Variants in UGGT2 observed in about 807,000 individuals in gnomAD.
The protein encoded by UGGT2 is UDP-glucose glycoprotein glucosyltransferase 2, also known as UDP-glucose:glycoprotein glucosyltransferase 2.
UGGT2 carries 180 observed loss-of-function variants against 192.1 expected under a neutral mutation model. The observed-to-expected ratio is 0.94, with a 90% confidence interval of 0.83 to 1.06. The LOEUF is 1.06. Ranked by LOEUF, UGGT2 falls within the 50% of genes least tolerant of loss-of-function variation. UGGT2 has a pLI of 0.00. For synonymous variants in UGGT2, 580 were observed against 591.0 expected (o/e 0.98, Z 0.27); for missense variants, 1,849 against 1,795.7 (o/e 1.03, Z -0.54).
At chr13:95,962,745 A>T (rs187125056) in intron 12 of UGGT2, among the ~76,000 whole-genome samples, 28 of 152,296 alleles carry the variant, frequency 1.8e-4, no homozygotes, top group Admixed American at 1.7e-3. Flanking sequence ...ACAACAATAA[A>T]GGAAAACCAC....
chr13:95,972,225 T>C (rs2050795341), intron 11 of UGGT2, among the ~76,000 whole-genome samples: 1 of 152,088 alleles, frequency 6.6e-6, no homozygotes, highest in African/African-American at 2.4e-5. Flanking sequence ...TTCTGTCTTC[T>C]GGGGAAATAC....
intron 1 of UGGT2, among the ~76,000 whole-genome samples, chr13:96,041,364 G>A (rs1323229096): frequency 1.3e-5 from 2 of 152,144 alleles, no homozygotes; most frequent in African/African-American, 4.8e-5. Flanking sequence ...GGTCCCCTAG[G>A]AAGCTATTTC....
chr13:95,932,563 T>C (rs762390673), intron 17 of UGGT2, among the ~76,000 whole-genome samples: 96 of 152,146 alleles, frequency 6.3e-4, no homozygotes, highest in Non-Finnish European at 7.9e-4. Flanking sequence ...TGGACTTCTT[T>C]TACTATTTGG....
intron 38 of UGGT2, among the ~76,000 whole-genome samples, chr13:95,826,775 T>A (rs1379506321): frequency 6.6e-6 from 1 of 151,134 alleles, no homozygotes; most frequent in African/African-American, 2.4e-5. Flanking sequence ...AACTAATTAA[T>A]GTAATCCTTT....
chr13:95,812,906 T>G (rs1285606005), intron 38 of UGGT2, among the ~76,000 whole-genome samples: 2 of 152,142 alleles, frequency 1.3e-5, no homozygotes, highest in Non-Finnish European at 2.9e-5. Context: ...GATGCACAAC[T>G]CCGTGAATAC....
In UGGT2 at chr13:96,013,479, G is replaced by C. The variant is rs2052231216; in HGVS notation, c.488C>G (p.Thr163Ser). 6.6e-7 allele frequency: 1 copy of C among 1,513,790 alleles called. No individual in the cohort carries two copies. The allele number at this position is 1,513,790 out of a possible 1,614,324, so 93.8% of individuals were successfully genotyped here. The change falls in exon 5 of 39, where the codon ACT becomes AGT. Residue 163 changes from threonine to serine, a missense_variant and splice_region_variant. Coordinates refer to ENST00000376747, the MANE Select transcript of UGGT2 (RefSeq NM_020121.4). ...ATCTCCTTTAAATAGATAAGGTCTA[G>C]TCCTAAGATAAAAGCAAAACACAAA... ...KKLLKKAASRTRPYLFKGDHK... is the reference protein window; with the variant it reads ...KKLLKKAASRSRPYLFKGDHK...
At chr13:96,000,656 C>T (rs1427099420) in intron 5 of UGGT2, among the ~76,000 whole-genome samples, 4 of 152,146 alleles carry the variant, frequency 2.6e-5, no homozygotes, top group Non-Finnish European at 4.4e-5. Flanking sequence ...GGCCGTATAT[C>T]TTGTTATAGT....
intron 37 of UGGT2, among the ~76,000 whole-genome samples, chr13:95,834,350 G>A (rs1001194896): frequency 6.6e-6 from 1 of 151,972 alleles, no homozygotes; most frequent in African/African-American, 2.4e-5. Context: ...TGGCCGGGGA[G>A]TGGTGGGGTG....
intron 38 of UGGT2, among the ~76,000 whole-genome samples, chr13:95,807,335 TGGA>T (rs909315506): frequency 6.6e-6 from 1 of 151,908 alleles, no homozygotes; most frequent in African/African-American, 2.4e-5. Context: ...GTGGAAGAGG[TGGA>T]GGAGGTAGAA....
At chr13:95,823,809 A>G (rs1413475504) in intron 38 of UGGT2, among the ~76,000 whole-genome samples, 2 of 151,994 alleles carry the variant, frequency 1.3e-5, no homozygotes, top group Admixed American at 1.3e-4. Context: ...ATTAGTTGTT[A>G]CCTAGATAAA....
chr13:95,868,565 T>C (rs541572184), intron 29 of UGGT2, among the ~76,000 whole-genome samples: 1 of 152,198 alleles, frequency 6.6e-6, no homozygotes, highest in African/African-American at 2.4e-5. Context: ...GATTGTGCTA[T>C]TGCACTTCCG....
chr13:95,956,836 A>G (rs572983120), intron 12 of UGGT2, among the ~76,000 whole-genome samples: 1 of 152,380 alleles, frequency 6.6e-6, no homozygotes, highest in African/African-American at 2.4e-5. Flanking sequence ...GTATATACCC[A>G]CAAGAACTGA....
intron 35 of UGGT2, 83 bp downstream of exon 35, chr13:95,854,215 GTGTAATTTTTAAGAAAA>G (rs1889347892): frequency 1.5e-6 from 2 of 1,354,194 alleles, no homozygotes; most frequent in African/African-American, 2.9e-5. Context: ...TGCTTTTATT[GTGTAATTTTTAAGAAAA>G]CTGTGTAATT....
At chr13:95,926,192 C>T (rs2049010041) in intron 19 of UGGT2, among the ~76,000 whole-genome samples, 1 of 152,082 alleles carries the variant, frequency 6.6e-6, no homozygotes. Flanking sequence ...CAATATGTAG[C>T]CAGACTCCTT....
rs558341524 is a variant in UGGT2, at chr13:96,006,305, C to G, written c.661-6998G>C. On this transcript the variant is annotated intron_variant, in intron 5 of 38. Transcript: ENST00000376747. Reference sequence around the variant, plus strand: ...AAATAAAGAATGCCTTCAACAGAGTCACAAGTAAACTTGATATAGCCAAAG... The same window carrying G: ...AAATAAAGAATGCCTTCAACAGAGTGACAAGTAAACTTGATATAGCCAAAG... Among the ~76,000 whole-genome samples the G allele has an allele frequency of 3.9e-5, 6 of 152,246 alleles. No homozygotes were observed. In the South Asian group the frequency reaches 1.2e-3, roughly 32 times the overall value.
Position 96,013,386 on chromosome 13 carries a change from G to A in UGGT2, c.581C>T (p.Thr194Ile). The A allele has an allele frequency of 6.2e-7, 1 of 1,606,562 alleles. No individual in the cohort carries two copies. Among genetic ancestry groups the A allele is most frequent in the Non-Finnish European group, 8.5e-7 (1 of 1,178,202 alleles). The change falls in exon 5 of 39, where the codon ACA becomes ATA. Residue 194 changes from threonine to isoleucine, a missense_variant. By Grantham distance (89) the Thr-to-Ile change is moderately conservative. Transcript: ENST00000376747. ...VILYAEMGTR[T>I]FSAFHKVLSE... ...CAATACTTTGTGAAATGCACTAAATGTTCTAGTACCCATTTCGGCATAGAG... is the reference window on the plus strand; with the variant it reads ...CAATACTTTGTGAAATGCACTAAATATTCTAGTACCCATTTCGGCATAGAG...
At chr13:95,833,890 A>G (rs375559879) in intron 37 of UGGT2, among the ~76,000 whole-genome samples, 6 of 152,308 alleles carry the variant, frequency 3.9e-5, no homozygotes, top group African/African-American at 1.4e-4. Context: ...TAAGGCAGGA[A>G]GCAACTTGAA....
chr13:95,808,763 T>A (rs554060296), intron 38 of UGGT2, among the ~76,000 whole-genome samples: 1 of 152,180 alleles, frequency 6.6e-6, no homozygotes, highest in African/African-American at 2.4e-5. Context: ...GTACACTACA[T>A]ACTCAAATTT....
At chr13:95,973,608 T>C (rs780410238) in intron 10 of UGGT2, among the ~76,000 whole-genome samples, 2 of 152,230 alleles carry the variant, frequency 1.3e-5, no homozygotes, top group Non-Finnish European at 2.9e-5. Flanking sequence ...TGCTATGTTC[T>C]AGAAACATCT....
Sources: gnomAD v4.1 joint callset for allele counts (sites outside exome capture counted in the v4.1 genomes callset) on GRCh38, gnomAD v4.1.1 for gene constraint, MANE v1.5 for transcripts, NCBI Gene and HGNC (gene_info 2026-07-23, HGNC 2026-07-21) for gene names.